Variants in DCUN1D3 observed in about 807,000 individuals in gnomAD.
DCUN1D3 encodes the protein DCN1-like protein 3.
In DCUN1D3, 6 loss-of-function variants were observed where a neutral mutation model predicts 24.8. The observed-to-expected ratio is 0.24, with a 90% CI of 0.13 to 0.48. DCUN1D3 has a LOEUF of 0.48. DCUN1D3 is among the 20% of genes least tolerant of loss of function. DCUN1D3 has a pLI of 0.99. For synonymous variants in DCUN1D3, 120 were observed against 144.9 expected (o/e 0.83, Z 1.24); for missense variants, 258 against 379.4 (o/e 0.68, Z 2.66).
At position 20,862,383 on chromosome 16, in the gene DCUN1D3, G is replaced by A. The variant is rs138609958; in HGVS notation, c.156C>T (p.Leu52=). ...CCTCGGCCTTCTTGGTCCCGTTGAC[G>A]AGGATATCTCCACCTGGCTTGCCAC... The part of the protein sequence containing the change: ...PPCGKPGGDI[L]VNGTKKAEAA... Residue 52 remains leucine, a synonymous_variant, in exon 2 of 3, where the codon CTC becomes CTT. Transcript: ENST00000324344. 23 of 1,613,980 alleles carry A rather than the reference G, an allele frequency of 1.4e-5. No homozygotes were observed. The Admixed American group carries it at 2.2e-4, about 15-fold the overall frequency.
At chr16:20,897,339 C>T (rs1051090601) in intron 1 of DCUN1D3, among the ~76,000 whole-genome samples, 6 of 152,336 alleles carry the variant, frequency 3.9e-5, no homozygotes, top group Admixed American at 3.3e-4. Flanking sequence ...GATGAATGCC[C>T]TCAGCAGAAG....
At chr16:20,879,198 C>T (rs1052773537) in intron 1 of DCUN1D3, among the ~76,000 whole-genome samples, 1 of 152,196 alleles carries the variant, frequency 6.6e-6, no homozygotes, top group Non-Finnish European at 1.5e-5. Context: ...AGTTTAAACA[C>T]TGGTAGCTGG....
At chr16:20,867,372 C>G (rs548048262) in intron 1 of DCUN1D3, among the ~76,000 whole-genome samples, 3 of 152,300 alleles carry the variant, frequency 2.0e-5, no homozygotes, top group African/African-American at 7.2e-5. Flanking sequence ...CAAGAAGGAT[C>G]TCCTACTCGC....
chr16:20,887,760 G>A (rs1031355469), intron 1 of DCUN1D3, among the ~76,000 whole-genome samples: 1 of 152,152 alleles, frequency 6.6e-6, no homozygotes, highest in Non-Finnish European at 1.5e-5. Context: ...TATCTAGACT[G>A]GCTGAAATAA....
At chr16:20,886,198 T>A (rs147661637) in intron 1 of DCUN1D3, among the ~76,000 whole-genome samples, 1 of 152,168 alleles carries the variant, frequency 6.6e-6, no homozygotes, top group African/African-American at 2.4e-5. Flanking sequence ...AGTCTTTATT[T>A]TTTTGCCTGA....
At chr16:20,881,947 C>T (rs565600091) in intron 1 of DCUN1D3, among the ~76,000 whole-genome samples, 2 of 152,158 alleles carry the variant, frequency 1.3e-5, no homozygotes, top group South Asian at 2.1e-4. Flanking sequence ...GGATTACAGG[C>T]GCATGGTACC....
chr16:20,887,534 A>G (rs1205359644), intron 1 of DCUN1D3, among the ~76,000 whole-genome samples: 1 of 152,200 alleles, frequency 6.6e-6, no homozygotes, highest in Non-Finnish European at 1.5e-5. Flanking sequence ...TGATCTGCCC[A>G]AGGAAAAGCA....
chr16:20,884,188 C>T (rs780548012), intron 1 of DCUN1D3, among the ~76,000 whole-genome samples: 1 of 152,092 alleles, frequency 6.6e-6, no homozygotes, highest in Non-Finnish European at 1.5e-5. Context: ...GGAGATTATA[C>T]GACCATGGAG....
intron 1 of DCUN1D3, 105 bp from the exon 2 acceptor site, chr16:20,862,748 C>T (rs898353084): frequency 8.9e-7 from 1 of 1,128,654 alleles, no homozygotes; most frequent in South Asian, 1.8e-5. Context: ...CATGAGCCAA[C>T]AACGAACCAT....
intron 1 of DCUN1D3, among the ~76,000 whole-genome samples, chr16:20,898,430 A>G (rs1363156349): frequency 6.6e-6 from 1 of 152,224 alleles, no homozygotes; most frequent in Non-Finnish European, 1.5e-5. Context: ...TCACCTGTGT[A>G]CACCCAGTGC....
At chr16:20,894,086 G>A (rs923295651) in intron 1 of DCUN1D3, among the ~76,000 whole-genome samples, 3 of 152,170 alleles carry the variant, frequency 2.0e-5, no homozygotes, top group Non-Finnish European at 4.4e-5. Flanking sequence ...GGGCAACACA[G>A]CGAAACCCCA....
At position 20,856,470 on chromosome 16, in the gene DCUN1D3, T is replaced by G. The variant is rs1210930611; in HGVS notation, c.*3416A>C. On this transcript the variant is annotated 3_prime_UTR_variant, in exon 3 of 3. Transcript: ENST00000324344. ...CCTTTCCAAAAAGACTAGTTTGTGC[T>G]TTCCTTGGGGAAGTTTAATATTGAA... is the stretch of plus-strand genomic sequence containing the variant. The G allele has an allele frequency of 1.3e-5, 2 of 152,268 alleles. No homozygotes were observed. The highest frequency in any genetic ancestry group is 2.9e-5 in the Non-Finnish European group (2 of 68,064). The allele number at this position is 152,268 out of a possible 1,614,324, so 9.4% of individuals were successfully genotyped here.
chr16:20,887,394 A>G (rs1459543074), intron 1 of DCUN1D3, among the ~76,000 whole-genome samples: 6 of 152,202 alleles, frequency 3.9e-5, no homozygotes, highest in Non-Finnish European at 5.9e-5. Flanking sequence ...CATCAGCAGT[A>G]AAAAAACACA....
chr16:20,874,218 T>G (rs2081803196), intron 1 of DCUN1D3, among the ~76,000 whole-genome samples: 2 of 152,192 alleles, frequency 1.3e-5, no homozygotes, highest in Admixed American at 1.3e-4. Context: ...GGCCACAATT[T>G]CTAGTCGAAT....
chr16:20,886,064 G>GAA (rs34484157), intron 1 of DCUN1D3, among the ~76,000 whole-genome samples: 3,158 of 136,418 alleles, frequency 0.023, 100 homozygotes, highest in African/African-American at 0.08. Context: ...TTTTTTCATT[G>GAA]AAAAAAAAAA....
At chr16:20,882,454 G>A (rs28535219) in intron 1 of DCUN1D3, among the ~76,000 whole-genome samples, 65,133 of 151,510 alleles carry the variant, frequency 0.43, 16,556 homozygotes, top group Non-Finnish European at 0.59. Context: ...TAGTAGAGAC[G>A]GGGTATCTCC....
At chr16:20,877,256 G>A (rs916290534) in intron 1 of DCUN1D3, among the ~76,000 whole-genome samples, 2 of 150,830 alleles carry the variant, frequency 1.3e-5, no homozygotes, top group Non-Finnish European at 3.0e-5. Context: ...TGAGTTCTGC[G>A]ATGAAAAAAA....
intron 1 of DCUN1D3, among the ~76,000 whole-genome samples, chr16:20,883,468 G>A (rs1443945388): frequency 2.0e-5 from 3 of 151,986 alleles, no homozygotes; most frequent in South Asian, 2.1e-4. Flanking sequence ...AGCCGAGGTC[G>A]AGCCACTGCA....
intron 1 of DCUN1D3, among the ~76,000 whole-genome samples, chr16:20,885,001 G>A (rs1209621064): frequency 2.0e-5 from 3 of 146,712 alleles, no homozygotes; most frequent in Non-Finnish European, 3.0e-5. Flanking sequence ...TTTTGAGACG[G>A]AGTCTGGCTC....
Sources: gnomAD v4.1 joint callset for allele counts (sites outside exome capture counted in the v4.1 genomes callset) on GRCh38, gnomAD v4.1.1 for gene constraint, MANE v1.5 for transcripts, NCBI Gene and HGNC (gene_info 2026-07-23, HGNC 2026-07-21) for gene names.